The following DENND5B variants were observed in gnomAD, a reference collection of about 807,000 sequenced individuals.
DENND5B encodes DENN domain containing 5B, also known as DENN domain-containing protein 5B.
A neutral mutation model predicts 140.6 loss-of-function variants in DENND5B; 34 were observed. The ratio of observed to expected loss-of-function variants is 0.24; its 90% confidence interval spans 0.18 to 0.32. The LOEUF is 0.32. Ranked by LOEUF, DENND5B falls within the 10% of genes least tolerant of loss-of-function variation. DENND5B has a pLI of 1.00. For synonymous variants in DENND5B, 551 were observed against 562.1 expected, an observed-to-expected ratio of 0.98 and a Z score of 0.28; for missense variants, 1,142 against 1,560.2, an observed-to-expected ratio of 0.73 and a Z score of 4.52.
intron 1 of DENND5B, among the ~76,000 whole-genome samples, chr12:31,529,413 G>A (rs1948204346): frequency 6.6e-6 from 1 of 152,172 alleles, no homozygotes; most frequent in Non-Finnish European, 1.5e-5. Context: ...ATTTAAAAAT[G>A]TATGCAGCTA....
chr12:31,542,436 T>TA (rs1948713054), intron 1 of DENND5B, among the ~76,000 whole-genome samples: 1 of 152,156 alleles, frequency 6.6e-6, no homozygotes, highest in African/African-American at 2.4e-5. Context: ...TAAGACCTAG[T>TA]ATTTGCTAGC....
chr12:31,558,453 G>A (rs1949368881), intron 1 of DENND5B, among the ~76,000 whole-genome samples: 2 of 152,102 alleles, frequency 1.3e-5, no homozygotes, highest in Admixed American at 1.3e-4. Context: ...GACCTCCAGG[G>A]CTTAACAGAA....
intron 2 of DENND5B, among the ~76,000 whole-genome samples, chr12:31,483,713 C>T (rs1194631405): frequency 6.6e-6 from 1 of 152,008 alleles, no homozygotes; most frequent in African/African-American, 2.4e-5. Context: ...GCTGGGATTA[C>T]AGGCTTGAGC....
chr12:31,552,756 G>C (rs1949119419), intron 1 of DENND5B, among the ~76,000 whole-genome samples: 1 of 152,138 alleles, frequency 6.6e-6, no homozygotes, highest in African/African-American at 2.4e-5. Context: ...CCTGTTATTG[G>C]TCTATTCAGA....
chr12:31,424,806 A>C (rs1414893760), intron 9 of DENND5B, 119 bp from the exon 10 acceptor site: 2 of 1,320,148 alleles, frequency 1.5e-6, no homozygotes, highest in Admixed American at 4.7e-5. Context: ...CAGATTTGTA[A>C]TCACCTTGGG....
intron 1 of DENND5B, among the ~76,000 whole-genome samples, chr12:31,507,544 G>A (rs906941605): frequency 1.3e-5 from 2 of 152,066 alleles, no homozygotes; most frequent in Non-Finnish European, 2.9e-5. Context: ...TCAAGATCTA[G>A]AGTTCTCTGA....
chr12:31,428,296 C>A (rs1010844140), intron 8 of DENND5B, among the ~76,000 whole-genome samples: 1 of 150,154 alleles, frequency 6.7e-6, no homozygotes, highest in East Asian at 2.0e-4. Flanking sequence ...GAGCCAAGAT[C>A]GTGCCATCGC....
At chr12:31,453,894 C>A (rs777275278) in intron 4 of DENND5B, among the ~76,000 whole-genome samples, 23 of 152,086 alleles carry the variant, frequency 1.5e-4, no homozygotes, top group Admixed American at 2.6e-4. Flanking sequence ...GTAATTCCAG[C>A]ACTTTGGGAG....
At chr12:31,533,251 G>GAAAA (rs551426996) in intron 1 of DENND5B, among the ~76,000 whole-genome samples, 2 of 145,570 alleles carry the variant, frequency 1.4e-5, no homozygotes, top group Non-Finnish European at 3.0e-5. Context: ...AATATTTGAA[G>GAAAA]AAAAAAAAAC....
rs147454506 is a variant in DENND5B at position 31,400,550 on chromosome 12, C to CT, written c.2950-779dup. Among the ~76,000 whole-genome samples the CT allele has an allele frequency of 1.1e-4, 16 of 151,790 alleles. No individual in the cohort carries two copies. In the South Asian group the frequency reaches 2.1e-3, roughly 20 times the overall value. ...GATGACAACATCAGAATTGTAAGTT[C>CT]TTTTTTTTGGTTAATTTTAATTTTT... On this transcript the variant is annotated intron_variant, in intron 15 of 20. Coordinates refer to ENST00000389082, the MANE Select transcript of DENND5B (RefSeq NM_144973.4).
chr12:31,420,331 C>G (rs1942961168), intron 11 of DENND5B, among the ~76,000 whole-genome samples: 1 of 151,884 alleles, frequency 6.6e-6, no homozygotes, highest in Non-Finnish European at 1.5e-5. Context: ...GAGACTGGGT[C>G]TCACTATGTT....
intron 1 of DENND5B, 163 bp downstream of exon 1, chr12:31,590,543 A>G: frequency 1.2e-6 from 1 of 840,248 alleles, no homozygotes; most frequent in Non-Finnish European, 1.7e-6. Flanking sequence ...AATAAATAAC[A>G]ATGTCATTAA....
At chr12:31,408,236 T>C (rs1593085144) in intron 14 of DENND5B, among the ~76,000 whole-genome samples, 1 of 151,682 alleles carries the variant, frequency 6.6e-6, no homozygotes, top group African/African-American at 2.4e-5. Flanking sequence ...GGGACGGAGG[T>C]TGCAGTGAGC....
chr12:31,448,311 A>G (rs954913067), intron 5 of DENND5B, among the ~76,000 whole-genome samples: 3 of 151,364 alleles, frequency 2.0e-5, no homozygotes, highest in Non-Finnish European at 4.4e-5. Flanking sequence ...ATTTTTTTGA[A>G]TTTTTAGTAG....
intron 3 of DENND5B, chr12:31,465,108 C>T (rs1366057230): frequency 2.6e-5 from 4 of 152,356 alleles, no homozygotes; most frequent in African/African-American, 9.6e-5. Flanking sequence ...GCTGCCTCAG[C>T]CCCTGCCATG....
At chr12:31,441,402 G>T (rs1447831185) in intron 7 of DENND5B, among the ~76,000 whole-genome samples, 2 of 151,968 alleles carry the variant, frequency 1.3e-5, no homozygotes, top group African/African-American at 4.8e-5. Context: ...CCCCAGGCTG[G>T]TCTCAAACTC....
rs187901322 is a variant in DENND5B, at chr12:31,546,864, G to A, written c.127+43842C>T. On this transcript the variant is annotated intron_variant, in intron 1 of 20. Coordinates refer to ENST00000389082, the MANE Select transcript of DENND5B (RefSeq NM_144973.4). ...TATTTGTTTGATACATTCGACAACC[G>A]CAACCAAAATTTATTTTGAGTTTAC... is the stretch of plus-strand genomic sequence containing the variant. Among the ~76,000 whole-genome samples, 632 of 152,098 alleles carry A rather than the reference G, an allele frequency of 4.2e-3. 5 individuals carry two copies. Among genetic ancestry groups the A allele is most frequent in the African/African-American group, 0.014 (576 of 41,470 alleles).
chr12:31,551,440 G>A (rs1333495167), intron 1 of DENND5B, among the ~76,000 whole-genome samples: 7 of 152,142 alleles, frequency 4.6e-5, no homozygotes, highest in Admixed American at 2.0e-4. Flanking sequence ...TTTGGTACCC[G>A]TACCATGCTG....
At chr12:31,418,523 G>T (rs1189110810) in intron 11 of DENND5B, among the ~76,000 whole-genome samples, 2 of 151,550 alleles carry the variant, frequency 1.3e-5, no homozygotes, top group African/African-American at 2.4e-5. Flanking sequence ...CAAACTCTTG[G>T]ACTCAAGCGA....
Sources: allele counts gnomAD v4.1 joint callset (sites outside exome capture counted in the v4.1 genomes callset), GRCh38; gene constraint gnomAD v4.1.1; transcripts MANE v1.5; gene names NCBI Gene and HGNC (gene_info 2026-07-23, HGNC 2026-07-21).